Variants in EPS15 observed in about 807,000 individuals in gnomAD.
The protein encoded by EPS15 is epidermal growth factor receptor substrate 15.
In EPS15, 72 loss-of-function variants were observed where a neutral mutation model predicts 113.8. That is an observed-to-expected ratio of 0.63 (90% CI 0.52 to 0.77). The LOEUF is 0.77. EPS15 is among the 30% of genes least tolerant of loss of function. The pLI, the probability that EPS15 is intolerant of heterozygous loss-of-function variation, is 0.00. For missense variants in EPS15, 1,048 were observed against 1,045.8 expected (o/e 1.00, Z -0.03); for synonymous variants, 344 against 363.4 (o/e 0.95, Z 0.61).
chr1:51,423,812 T>G, intron 12 of EPS15: 1 of 730,234 alleles, frequency 1.4e-6, no homozygotes, highest in Non-Finnish European at 1.7e-6. Flanking sequence ...GCTCACTTGG[T>G]GAAAATCCAA....
Position 51,354,507 on chromosome 1 carries a change from A to G in EPS15, c.*2193T>C. On this transcript the variant is annotated 3_prime_UTR_variant, in exon 25 of 25. Transcript: ENST00000371733. ...GTTTGAAACTTTAAGAGAAAATTCT[A>G]TAAAGAGAGCTCAAATAAACATGAA... The G allele has an allele frequency of 5.4e-6, 1 of 184,100 alleles. No individual in the cohort carries two copies. The highest frequency in any genetic ancestry group is 8.8e-5 in the East Asian group (1 of 11,386). 11.4% of individuals were successfully genotyped at this position (184,100 alleles called of 1,614,324 possible).
intron 12 of EPS15, among the ~76,000 whole-genome samples, chr1:51,437,327 T>C (rs1652228544): frequency 6.6e-6 from 1 of 152,130 alleles, no homozygotes; most frequent in Non-Finnish European, 1.5e-5. Context: ...TATTCCTTTT[T>C]TCATTATGCA....
chr1:51,497,112 C>T (rs985495328), intron 1 of EPS15, among the ~76,000 whole-genome samples: 1 of 152,134 alleles, frequency 6.6e-6, no homozygotes, highest in East Asian at 1.9e-4. Context: ...TTAGAAGACA[C>T]TTAGGAGTTC....
chr1:51,486,080 G>C (rs1010251102), intron 1 of EPS15, among the ~76,000 whole-genome samples: 1 of 151,992 alleles, frequency 6.6e-6, no homozygotes, highest in Non-Finnish European at 1.5e-5. Flanking sequence ...TTACAGGTGT[G>C]AGCCACCATG....
intron 8 of EPS15, among the ~76,000 whole-genome samples, chr1:51,449,321 A>G (rs960616536): frequency 6.6e-6 from 1 of 152,190 alleles, no homozygotes; most frequent in African/African-American, 2.4e-5. Context: ...CATTATCCTA[A>G]GCAAACTAAC....
intron 1 of EPS15, among the ~76,000 whole-genome samples, chr1:51,489,147 A>C (rs564012446): frequency 1.1e-4 from 16 of 151,734 alleles, no homozygotes; most frequent in Non-Finnish European, 1.9e-4. Context: ...ATGTAAAAAA[A>C]AAAAACAAAA....
chr1:51,447,588 A>G (rs1361273856), intron 9 of EPS15, among the ~76,000 whole-genome samples: 2 of 152,188 alleles, frequency 1.3e-5, no homozygotes, highest in African/African-American at 2.4e-5. Context: ...ACAACCCAGA[A>G]TTCAATAATT....
At chr1:51,430,536 C>T (rs138089357) in intron 12 of EPS15, among the ~76,000 whole-genome samples, 4,818 of 150,748 alleles carry the variant, frequency 0.032, 125 homozygotes, top group Non-Finnish European at 0.05. Flanking sequence ...TCACTGCACT[C>T]CTGCCTGGGT....
At chr1:51,414,560 C>A (rs1156869815) in intron 13 of EPS15, among the ~76,000 whole-genome samples, 1 of 152,140 alleles carries the variant, frequency 6.6e-6, no homozygotes, top group Non-Finnish European at 1.5e-5. Flanking sequence ...TTCTCTTTCC[C>A]TTTAACTAAA....
chr1:51,475,877 C>A (rs1303627645), intron 2 of EPS15, among the ~76,000 whole-genome samples: 1 of 152,140 alleles, frequency 6.6e-6, no homozygotes, highest in Non-Finnish European at 1.5e-5. Flanking sequence ...AGGAACGGAT[C>A]CAGTTTCAGC....
chr1:51,480,423 C>T (rs973831492), intron 2 of EPS15, among the ~76,000 whole-genome samples: 8 of 152,172 alleles, frequency 5.3e-5, no homozygotes, highest in Admixed American at 1.3e-4. Flanking sequence ...AAACTGATAG[C>T]GATGCAAGTG....
Sources: allele counts gnomAD v4.1 joint callset (sites outside exome capture counted in the v4.1 genomes callset), GRCh38; gene constraint gnomAD v4.1.1; transcripts MANE v1.5; gene names NCBI Gene and HGNC (gene_info 2026-07-23, HGNC 2026-07-21).